The following TF variants were observed in gnomAD, a reference collection of about 807,000 sequenced individuals.
TF encodes the protein transferrin.
TF carries 55 observed loss-of-function variants against 82.4 expected under a neutral mutation model. The ratio of observed to expected loss-of-function variants is 0.67; its 90% CI spans 0.54 to 0.84. The LOEUF (loss-of-function observed/expected upper bound fraction) is 0.84. Ranked by LOEUF, TF falls within the 40% of genes least tolerant of loss-of-function variation. The probability of loss-of-function intolerance (pLI) is 0.00; values close to 1 mark genes in which losing one functional copy is unlikely to be tolerated. For missense variants in TF, 737 were observed against 868.4 expected, an observed-to-expected ratio of 0.85 and a Z score of 1.90; for synonymous variants, 332 against 332.6, an observed-to-expected ratio of 1.00 and a Z score of 0.02.
chr3:133,741,582 G>A (rs1056997751), upstream of TF, among the ~76,000 whole-genome samples: 3 of 152,130 alleles, frequency 2.0e-5, no homozygotes, highest in Non-Finnish European at 4.4e-5. Context: ...CTTGATATCA[G>A]ACTGAGAAAG....
chr3:133,757,984 T>G, intron 8 of TF, 38 bp downstream of exon 8: 1 of 1,606,750 alleles, frequency 6.2e-7, no homozygotes, highest in Non-Finnish European at 8.5e-7. Context: ...CACAAGCACT[T>G]GGGAAACCTG....
chr3:133,754,125 G>A (rs929376393), intron 3 of TF: 1 of 416,726 alleles, frequency 2.4e-6, no homozygotes, highest in Admixed American at 3.6e-5. Flanking sequence ...ACTGTCTCTG[G>A]GCCTGTGCCA....
At position 133,746,414 on chromosome 3, in the gene TF, C is replaced by G. The variant is rs1043790002; in HGVS notation, c.-27C>G. ...CTGCACAGAAGCGAGTCCGACTGTGCTCGCTGCTCAGCGCCGCACCCGGAA... is the reference window on the plus strand; with the variant it reads ...CTGCACAGAAGCGAGTCCGACTGTGGTCGCTGCTCAGCGCCGCACCCGGAA... On this transcript the variant is annotated 5_prime_UTR_variant, in exon 1 of 17. Transcript: ENST00000402696. The G allele has an allele frequency of 6.3e-7, 1 of 1,590,764 alleles. No homozygotes were observed. The highest frequency in any genetic ancestry group is 8.5e-7 in the Non-Finnish European group (1 of 1,172,184).
rs909505913 is a variant in TF, at chr3:133,788,652, T to G, written c.*10032T>G. The G allele has an allele frequency of 6.6e-6, 1 of 152,176 alleles. No homozygotes were observed. Among genetic ancestry groups the G allele is most frequent in the Non-Finnish European group, 1.5e-5 (1 of 68,052 alleles). 9.4% of individuals were successfully genotyped at this position (152,176 alleles called of 1,614,324 possible). On this transcript the variant is annotated 3_prime_UTR_variant, in exon 17 of 17. Coordinates refer to ENST00000402696, the MANE Select transcript of TF (RefSeq NM_001063.4). ...AGGGGAATCTCTCCCTCTGTCTCTT[T>G]TTCCTTTCCAACTCGGGACCCTTGG...
the TF span, among the ~76,000 whole-genome samples, chr3:133,667,637 C>T: frequency 2.1e-3 from 316 of 152,272 alleles, 2 homozygotes; most frequent in African/African-American, 7.2e-3. Context: ...GGGACTACTT[C>T]TGTAGAAGAA....
At chr3:133,732,451 A>G in the TF span, among the ~76,000 whole-genome samples, 9 of 152,356 alleles carry the variant, frequency 5.9e-5, no homozygotes, top group African/African-American at 2.2e-4. Context: ...TGGACCAATC[A>G]GCAGGATGTG....
chr3:133,743,125 C>G (rs1226018433), upstream of TF, among the ~76,000 whole-genome samples: 1 of 152,168 alleles, frequency 6.6e-6, no homozygotes, highest in East Asian at 1.9e-4. Context: ...AGTTTGAGTT[C>G]AGGTCTCAGA....
At chr3:133,738,398 G>A in the TF span, among the ~76,000 whole-genome samples, 862 of 152,154 alleles carry the variant, frequency 5.7e-3, 1 homozygote, top group Middle Eastern at 0.024. Context: ...TTTGAAAACC[G>A]GCACAAGACA....
intron 2 of TF, among the ~76,000 whole-genome samples, chr3:133,751,773 C>A (rs1559868516): frequency 6.6e-6 from 1 of 151,988 alleles, no homozygotes; most frequent in Non-Finnish European, 1.5e-5. Context: ...GGGTGGATCA[C>A]CTGAGGTCAG....
the TF span, among the ~76,000 whole-genome samples, chr3:133,738,542 G>A: frequency 3.3e-5 from 5 of 151,902 alleles, no homozygotes; most frequent in South Asian, 2.1e-4. Flanking sequence ...TGCAGATGAC[G>A]TGATTGTATA....
chr3:133,710,152 A>T, the TF span: 1 of 152,662 alleles, frequency 6.6e-6, no homozygotes, highest in Non-Finnish European at 1.5e-5. Flanking sequence ...GATCAGGCGC[A>T]TTCAGGGTGG....
chr3:133,766,185 A>T (rs1934121774), intron 11 of TF, 93 bp from the exon 12 acceptor site: 1 of 1,197,558 alleles, frequency 8.4e-7, no homozygotes, highest in East Asian at 2.3e-5. Flanking sequence ...CTGATTGAGG[A>T]TATCTTTGCT....
chr3:133,738,046 C>G, the TF span, among the ~76,000 whole-genome samples: 2 of 152,112 alleles, frequency 1.3e-5, no homozygotes, highest in Non-Finnish European at 2.9e-5. Flanking sequence ...TGATGAACAT[C>G]AATGAGAAAA....
At chr3:133,673,953 T>C in the TF span, among the ~76,000 whole-genome samples, 5 of 152,168 alleles carry the variant, frequency 3.3e-5, no homozygotes, top group African/African-American at 1.2e-4. Context: ...GGTTCAGCGC[T>C]TCACCTGACC....
the TF span, among the ~76,000 whole-genome samples, chr3:133,723,637 T>TTATTATTATTATTACTATTA: frequency 9.1e-5 from 13 of 143,582 alleles, no homozygotes; most frequent in Admixed American, 2.2e-4. Context: ...GTTTGGTTCT[T>TTATTATTATTATTACTATTA]TTATTATTAT....
At position 133,755,452 on chromosome 3, in the gene TF, T is replaced by A; in HGVS notation, c.592T>A (p.Cys198Ser). The change falls in exon 5 of 17, where the codon TGC becomes AGC. Residue 198 changes from cysteine (C) to serine (S), a missense_variant. Transcript: ENST00000402696. Reference sequence around the variant, plus strand: ...GTGTCAACTGTGTCCAGGGTGTGGCTGCTCCACCCTTAACCAATACTTCGG... The same window carrying A: ...GTGTCAACTGTGTCCAGGGTGTGGCAGCTCCACCCTTAACCAATACTTCGG... The part of the protein sequence containing the change: ...QLCQLCPGCG[C>S]STLNQYFGYS... 6.2e-7 allele frequency: 1 copy of A among 1,614,156 alleles called. No individual in the cohort carries two copies. Among genetic ancestry groups the A allele is most frequent in the Non-Finnish European group, 8.5e-7 (1 of 1,179,970 alleles).
In TF at chr3:133,748,440, T is replaced by A. The variant is rs868292410; in HGVS notation, c.72T>A (p.Thr24=). 1 of 1,613,960 alleles carries A rather than the reference T, an allele frequency of 6.2e-7. No homozygotes were observed. The highest frequency in any genetic ancestry group is 1.3e-5 in the African/African-American group (1 of 74,882). The change falls in exon 2 of 17, where the codon ACT becomes ACA. Residue 24 remains threonine (T), a synonymous_variant. Coordinates refer to ENST00000402696, the MANE Select transcript of TF (RefSeq NM_001063.4). ...TGTGTCTGGCTGTCCCTGATAAAAC[T>A]GTGAGATGGTGTGCAGTGTCGGAGC... ...LGLCLAVPDK[T]VRWCAVSEHE...
At chr3:133,718,032 T>C in the TF span, among the ~76,000 whole-genome samples, 5 of 152,010 alleles carry the variant, frequency 3.3e-5, no homozygotes, top group Non-Finnish European at 7.4e-5. Context: ...GGAGCACGTT[T>C]AATCATGAGT....
chr3:133,732,661 C>T, the TF span, among the ~76,000 whole-genome samples: 2 of 152,166 alleles, frequency 1.3e-5, no homozygotes, highest in Non-Finnish European at 1.5e-5. Flanking sequence ...CTGAAGTCAG[C>T]AAGACCACCA....
Sources: gnomAD v4.1 joint callset for allele counts (sites outside exome capture counted in the v4.1 genomes callset) on GRCh38, gnomAD v4.1.1 for gene constraint, MANE v1.5 for transcripts, NCBI Gene and HGNC (gene_info 2026-07-23, HGNC 2026-07-21) for gene names.